Variants in FYN observed in about 807,000 individuals in gnomAD.
FYN encodes the protein tyrosine-protein kinase Fyn.
FYN carries 10 observed loss-of-function variants against 70.2 expected under a neutral mutation model. That is an observed-to-expected ratio of 0.14 (90% CI 0.09 to 0.24). The LOEUF (loss-of-function observed/expected upper bound fraction) is 0.24. Among genes scored for constraint, FYN ranks in the 10% least tolerant of loss-of-function variants. FYN has a pLI of 1.00. For synonymous variants in FYN, 236 were observed against 248.6 expected, an observed-to-expected ratio of 0.95 and a Z score of 0.48; for missense variants, 319 against 673.1, an observed-to-expected ratio of 0.47 and a Z score of 5.82.
intron 3 of FYN, among the ~76,000 whole-genome samples, chr6:111,724,857 T>C (rs1478340595): frequency 6.6e-6 from 1 of 152,154 alleles, no homozygotes; most frequent in Non-Finnish European, 1.5e-5. Flanking sequence ...TTTCCTGGTA[T>C]CATAATGGAA....
chr6:111,824,758 C>T (rs1772780141), intron 2 of FYN, among the ~76,000 whole-genome samples: 1 of 152,160 alleles, frequency 6.6e-6, no homozygotes, highest in Non-Finnish European at 1.5e-5. Context: ...CTGTCCCCTC[C>T]ACTACTCACT....
rs11153319 is a variant in FYN at position 111,822,494 on chromosome 6, C to T, written c.-82+24095G>A. Among the ~76,000 whole-genome samples the T allele has an allele frequency of 2.3e-3, 343 of 149,948 alleles. 4 individuals are homozygous for T. Among genetic ancestry groups the T allele is most frequent in the East Asian group, 0.017 (82 of 4,966 alleles). Reference sequence around the variant, plus strand: ...TGGGCCTGTTGTGGGGTGGGGGGAGCGGGGAGGGAAAGCATTAGGAGATAT... The same window carrying T: ...TGGGCCTGTTGTGGGGTGGGGGGAGTGGGGAGGGAAAGCATTAGGAGATAT... On this transcript the variant is annotated intron_variant, in intron 2 of 13. Coordinates refer to ENST00000354650, the MANE Select transcript of FYN (RefSeq NM_002037.5).
At chr6:111,716,976 G>T (rs2128459513) in intron 4 of FYN, among the ~76,000 whole-genome samples, 1 of 152,010 alleles carries the variant, frequency 6.6e-6, no homozygotes, top group Middle Eastern at 3.4e-3. Flanking sequence ...AGTAGAGACG[G>T]GGTTTCACCA....
At chr6:111,664,859 T>C (rs758305229) in intron 13 of FYN, among the ~76,000 whole-genome samples, 7 of 152,074 alleles carry the variant, frequency 4.6e-5, no homozygotes, top group Non-Finnish European at 8.8e-5. Context: ...GCCAGGAAAG[T>C]GGGATATTTT....
intron 4 of FYN, among the ~76,000 whole-genome samples, chr6:111,717,914 A>T (rs1233815685): frequency 6.6e-6 from 1 of 152,218 alleles, no homozygotes; most frequent in Non-Finnish European, 1.5e-5. Context: ...GAGAGTTAGC[A>T]TTCAGAGGTC....
intron 12 of FYN, among the ~76,000 whole-genome samples, chr6:111,690,562 G>T (rs1799272671): frequency 6.6e-6 from 1 of 152,142 alleles, no homozygotes; most frequent in Non-Finnish European, 1.5e-5. Context: ...TAGTGTTTGA[G>T]ACTTTCCATG....
At chr6:111,803,203 G>A (rs1772042249) in intron 2 of FYN, among the ~76,000 whole-genome samples, 1 of 152,188 alleles carries the variant, frequency 6.6e-6, no homozygotes, top group African/African-American at 2.4e-5. Flanking sequence ...TTGGCTAACT[G>A]GTAGTATTAA....
intron 3 of FYN, among the ~76,000 whole-genome samples, chr6:111,765,825 G>T (rs184721830): frequency 6.6e-6 from 1 of 151,542 alleles, no homozygotes; most frequent in African/African-American, 2.4e-5. Flanking sequence ...GACTCTAAGC[G>T]ACAGCAGGAA....
chr6:111,765,480 G>A (rs965616181), intron 3 of FYN, among the ~76,000 whole-genome samples: 2 of 152,126 alleles, frequency 1.3e-5, no homozygotes, highest in East Asian at 1.9e-4. Context: ...CCTGCACCAT[G>A]AACTTGGACT....
chr6:111,823,423 G>T (rs1400649580), intron 2 of FYN, among the ~76,000 whole-genome samples: 2 of 152,130 alleles, frequency 1.3e-5, no homozygotes, highest in Non-Finnish European at 2.9e-5. Flanking sequence ...GAAAACACTG[G>T]ACTAGACAAA....
intron 2 of FYN, among the ~76,000 whole-genome samples, chr6:111,842,500 G>A (rs1003144453): frequency 2.6e-5 from 4 of 151,960 alleles, no homozygotes; most frequent in Non-Finnish European, 2.9e-5. Flanking sequence ...ACGCATTTGC[G>A]CGGTACACCC....
At chr6:111,757,239 C>T (rs990626316) in intron 3 of FYN, among the ~76,000 whole-genome samples, 2 of 152,172 alleles carry the variant, frequency 1.3e-5, no homozygotes, top group African/African-American at 4.8e-5. Flanking sequence ...GAGCACTGTG[C>T]TTATATTTCT....
intron 12 of FYN, among the ~76,000 whole-genome samples, chr6:111,691,421 C>G (rs1400402277): frequency 1.3e-5 from 2 of 152,184 alleles, no homozygotes; most frequent in African/African-American, 4.8e-5. Flanking sequence ...CCTGCATTCC[C>G]ATAATCAAGA....
At chr6:111,762,142 T>C (rs1309022310) in intron 3 of FYN, among the ~76,000 whole-genome samples, 8 of 152,138 alleles carry the variant, frequency 5.3e-5, no homozygotes, top group Admixed American at 5.2e-4. Flanking sequence ...AAAAAATAAC[T>C]TGTTCATTTT....
chr6:111,707,790 A>T, intron 6 of FYN, 132 bp downstream of exon 6: 1 of 669,406 alleles, frequency 1.5e-6, no homozygotes, highest in Admixed American at 2.4e-5. Flanking sequence ...AAACCGGGGC[A>T]GAAAGCCTGA....
chr6:111,721,468 T>A (rs1269167879), intron 3 of FYN, among the ~76,000 whole-genome samples: 1 of 152,176 alleles, frequency 6.6e-6, no homozygotes, highest in Non-Finnish European at 1.5e-5. Flanking sequence ...CTCACTCTGT[T>A]GCCCAGGCTG....
chr6:111,755,355 A>T (rs889240048), intron 3 of FYN, among the ~76,000 whole-genome samples: 2 of 152,174 alleles, frequency 1.3e-5, no homozygotes, highest in Non-Finnish European at 2.9e-5. Flanking sequence ...AAGTTCTTTA[A>T]TGTTCTTCCT....
At chr6:111,671,422 T>A (rs1482184350) in intron 13 of FYN, among the ~76,000 whole-genome samples, 1 of 151,722 alleles carries the variant, frequency 6.6e-6, no homozygotes, top group Non-Finnish European at 1.5e-5. Context: ...TGTCACCCCC[T>A]CCTCCCGCAC....
chr6:111,662,034 C>A, intron 13 of FYN, 87 bp from the exon 14 acceptor site: 4 of 1,138,830 alleles, frequency 3.5e-6, no homozygotes, highest in Non-Finnish European at 5.0e-6. Flanking sequence ...TTCTTCTTTG[C>A]GTCTGCATGT....
Sources: gnomAD v4.1 joint callset for allele counts (sites outside exome capture counted in the v4.1 genomes callset) on GRCh38, gnomAD v4.1.1 for gene constraint, MANE v1.5 for transcripts, NCBI Gene and HGNC (gene_info 2026-07-23, HGNC 2026-07-21) for gene names.